Variants in SEPTIN4 observed in about 807,000 individuals in gnomAD.
SEPTIN4 encodes septin-4.
Under a neutral mutation model 107.1 loss-of-function variants are expected in SEPTIN4, and 52 were observed. The ratio of observed to expected loss-of-function variants is 0.49; its 90% CI spans 0.39 to 0.61. The LOEUF (loss-of-function observed/expected upper bound fraction) is 0.61. SEPTIN4 is among the 20% of genes least tolerant of loss of function. The probability of loss-of-function intolerance (pLI) is 0.00; values close to 1 mark genes in which losing one functional copy is unlikely to be tolerated. For synonymous variants in SEPTIN4, 417 were observed against 467.0 expected (o/e 0.89, Z 1.38); for missense variants, 1,048 against 1,243.5 (o/e 0.84, Z 2.36).
In SEPTIN4 at chr17:58,525,795, G is replaced by A. The variant is rs191633842; in HGVS notation, c.2006-14C>T. Reference sequence around the variant, plus strand: ...GGCCAGACTCTCCTGAGAGGAGAGAGGACAGAGGCACCAAATCAGAAGGTA... The same window carrying A: ...GGCCAGACTCTCCTGAGAGGAGAGAAGACAGAGGCACCAAATCAGAAGGTA... On this transcript the variant is annotated splice_polypyrimidine_tract_variant and intron_variant, in intron 5 of 13. Transcript: ENST00000672673. 3.4e-5 allele frequency: 54 copies of A among 1,605,964 alleles called. No individual in the cohort carries two copies. In the East Asian group the frequency reaches 1.2e-3, roughly 35 times the overall value.
chr17:58,543,170 T>G lies in SEPTIN4; in HGVS notation c.1017A>C (p.Pro339=). The change falls in exon 1 of 14, where the codon CCA becomes CCC. Residue 339 remains proline, a synonymous_variant. Coordinates refer to ENST00000672673, the MANE Select transcript of SEPTIN4 (RefSeq NM_001368771.2). ...GAGTTGGCTCTACTGACTGTACCCC[T>G]GGGGAGATGGTGACCCTGCGGCCAA... is the stretch of plus-strand genomic sequence containing the variant. ...SEVGRRVTIS[P]GVQSVEPTHH... is the part of the protein sequence containing the mutation. 1 of 1,613,964 alleles carries G rather than the reference T, an allele frequency of 6.2e-7. No individual in the cohort carries two copies. Among genetic ancestry groups the G allele is most frequent in the South Asian group, 1.1e-5 (1 of 91,064 alleles).
chr17:58,543,804 T>G lies in SEPTIN4; in HGVS notation c.383A>C (p.Glu128Ala). 1 of 1,614,220 alleles carries G rather than the reference T, an allele frequency of 6.2e-7. No homozygotes were observed. Among genetic ancestry groups the G allele is most frequent in the South Asian group, 1.1e-5 (1 of 91,084 alleles). Residue 128 changes from glutamate (E) to alanine (A), a missense_variant, in exon 1 of 14, where the codon GAG becomes GCG. By Grantham distance (107) the Glu-to-Ala change is moderately radical. Coordinates refer to ENST00000672673, the MANE Select transcript of SEPTIN4 (RefSeq NM_001368771.2). ...CTCACTGCCTCTTCGTGCTGCTTCC[T>G]CTCTGGGTGGACTAACTTTCCATTG... ...SRQWKVSPPR[E>A]EAARRGSESK... is the part of the protein sequence containing the mutation.
chr17:58,542,048 T>C, intron 1 of SEPTIN4, 82 bp from the exon 2 acceptor site: 12 of 1,495,018 alleles, frequency 8.0e-6, no homozygotes, highest in Non-Finnish European at 1.1e-5. Flanking sequence ...GCTCCCTTTC[T>C]AGCTCCACAT....
intron 13 of SEPTIN4, 28 bp downstream of exon 13, chr17:58,520,715 C>A: frequency 1.9e-6 from 3 of 1,611,880 alleles, no homozygotes; most frequent in African/African-American, 2.7e-5. Flanking sequence ...AAACAGGAGA[C>A]CTCCCCTATA....
chr17:58,539,540 C>T (rs1270773030), intron 3 of SEPTIN4, among the ~76,000 whole-genome samples: 3 of 152,200 alleles, frequency 2.0e-5, no homozygotes, highest in African/African-American at 7.2e-5. Context: ...CTTACTCAGC[C>T]TGTTCCATCT....
chr17:58,525,149 C>G lies in SEPTIN4; in HGVS notation c.2145G>C (p.Glu715Asp). ...TGGTGAGCCGCAGCCTCACACCCTTCTCTTCTATGTCCACTGCATGCTTAG... is the reference window on the plus strand; with the variant it reads ...TGGTGAGCCGCAGCCTCACACCCTTGTCTTCTATGTCCACTGCATGCTTAG... Reference protein sequence around the residue: ...EITKHAVDIEEKGVRLRLTIV... With the variant: ...EITKHAVDIEDKGVRLRLTIV... Residue 715 changes from glutamate (E) to aspartate (D), a missense_variant, in exon 7 of 14, where the codon GAG becomes GAC. Transcript: ENST00000672673. 6.2e-7 allele frequency: 1 copy of G among 1,614,256 alleles called. No homozygotes were observed. The highest frequency in any genetic ancestry group is 8.5e-7 in the Non-Finnish European group (1 of 1,180,048).
At chr17:58,531,946 GC>G in intron 3 of SEPTIN4, 1 of 1,147,868 alleles carries the variant, frequency 8.7e-7, no homozygotes, top group Non-Finnish European at 1.1e-6. Flanking sequence ...CCGCCCGCCT[GC>G]CTGCCTGCCT....
chr17:58,520,856 A>G lies in SEPTIN4; in HGVS notation c.2832-14T>C, dbSNP rs79030531. ...CGAGTCAGTTTGCTAAAGGGAGAAAAGGGTTGATAAGGCGAGGAGGACCCC... is the reference window on the plus strand; with the variant it reads ...CGAGTCAGTTTGCTAAAGGGAGAAAGGGGTTGATAAGGCGAGGAGGACCCC... On this transcript the variant is annotated splice_polypyrimidine_tract_variant and intron_variant, in intron 12 of 13. Coordinates refer to ENST00000672673, the MANE Select transcript of SEPTIN4 (RefSeq NM_001368771.2). The G allele has an allele frequency of 1.1e-5, 18 of 1,585,298 alleles. No homozygotes were observed. Among genetic ancestry groups the G allele is most frequent in the Non-Finnish European group, 1.5e-5 (18 of 1,166,098 alleles).
At position 58,543,100 on chromosome 17, in the gene SEPTIN4, A is replaced by G; in HGVS notation, c.1087T>C (p.Ser363Pro). 6.2e-7 allele frequency: 1 copy of G among 1,612,506 alleles called. No individual in the cohort carries two copies. Among genetic ancestry groups the G allele is most frequent in the Non-Finnish European group, 8.5e-7 (1 of 1,179,230 alleles). Reference sequence around the variant, plus strand: ...ATGGGCTCTGGAGTAACAAACATGGATGACTTGTGGGAGCCCTCAGACACT... The same window carrying G: ...ATGGGCTCTGGAGTAACAAACATGGGTGACTTGTGGGAGCCCTCAGACACT... ...PSVSEGSHKS[S>P]MFVTPEPIYK... is the part of the protein sequence containing the mutation. The change falls in exon 1 of 14, where the codon TCC (serine) becomes CCC (proline). Residue 363 changes from serine to proline, a missense_variant. Physicochemically the swap from Ser to Pro is moderately conservative, Grantham distance 74. This residue lies in a region of SEPTIN4 where 787 missense variants were observed against 871.8 expected (regional missense o/e 0.90). Coordinates refer to ENST00000672673, the MANE Select transcript of SEPTIN4 (RefSeq NM_001368771.2).
At position 58,525,178 on chromosome 17, in the gene SEPTIN4, T is replaced by A. The variant is rs1211378076; in HGVS notation, c.2116A>T (p.Ile706Phe). The A allele has an allele frequency of 6.2e-7, 1 of 1,613,994 alleles. No homozygotes were observed. The highest frequency in any genetic ancestry group is 1.3e-5 in the African/African-American group (1 of 74,914). The change falls in exon 7 of 14, where the codon ATC (isoleucine) becomes TTC (phenylalanine). Residue 706 changes from isoleucine to phenylalanine, a missense_variant. Physicochemically the swap from Ile to Phe is conservative, Grantham distance 21 (BLOSUM62 0). Around this residue, in one of 2 missense-constraint regions of SEPTIN4, gnomAD observed 787 missense variants for 871.8 expected, o/e 0.90. Transcript: ENST00000672673. ...AEERIMQTVEITKHAVDIEEK... is the reference protein window; with the variant it reads ...AEERIMQTVEFTKHAVDIEEK... Reference sequence around the variant, plus strand: ...TCTATGTCCACTGCATGCTTAGTGATCTCCACAGTTTGCATGATCCTCTCT... The same window carrying A: ...TCTATGTCCACTGCATGCTTAGTGAACTCCACAGTTTGCATGATCCTCTCT...
intron 3 of SEPTIN4, chr17:58,531,945 T>A: frequency 8.7e-7 from 1 of 1,144,282 alleles, no homozygotes; most frequent in Non-Finnish European, 1.1e-6. Context: ...CCCGCCCGCC[T>A]GCCTGCCTGC....
chr17:58,540,699 C>A, intron 2 of SEPTIN4, 26 bp from the exon 3 acceptor site: 1 of 1,340,104 alleles, frequency 7.5e-7, no homozygotes. Flanking sequence ...AGAAGCCAGG[C>A]ATTCCCAGGG....
intron 1 of SEPTIN4, 66 bp downstream of exon 1, chr17:58,542,560 T>C: frequency 4.6e-6 from 7 of 1,537,778 alleles, no homozygotes; most frequent in African/African-American, 1.4e-5. Flanking sequence ...TGGTCTTTCC[T>C]GCCCACCCCA....
chr17:58,522,593 C>T (rs2042382993), intron 7 of SEPTIN4, among the ~76,000 whole-genome samples: 2 of 144,070 alleles, frequency 1.4e-5, no homozygotes, highest in African/African-American at 5.2e-5. Flanking sequence ...ACCCAGGAGG[C>T]AGAGGTTGCA....
intron 3 of SEPTIN4, among the ~76,000 whole-genome samples, chr17:58,536,617 G>A (rs2043721305): frequency 6.6e-6 from 1 of 152,278 alleles, no homozygotes; most frequent in African/African-American, 2.4e-5. Flanking sequence ...GGCAGTGGGT[G>A]TGCCAAGGAA....
intron 1 of SEPTIN4, among the ~76,000 whole-genome samples, chr17:58,542,245 G>GT (rs1243208427): frequency 1.3e-5 from 2 of 152,082 alleles, no homozygotes; most frequent in Non-Finnish European, 2.9e-5. Flanking sequence ...TGTAGCCAGA[G>GT]TATTTACCTG....
chr17:58,526,233 G>A lies in SEPTIN4; in HGVS notation c.1992C>T (p.Thr664=), dbSNP rs1402894128. 1.1e-5 allele frequency: 18 copies of A among 1,599,694 alleles called. No homozygotes were observed. Among genetic ancestry groups the A allele is most frequent in the Non-Finnish European group, 1.5e-5 (18 of 1,173,234 alleles). Reference sequence around the variant, plus strand: ...CCCCTTTTTTACCTGCCACCATGAGGGTAAAGTCAAAGCCTTTCTTCACGG... The same window carrying A: ...CCCCTTTTTTACCTGCCACCATGAGAGTAAAGTCAAAGCCTTTCTTCACGG... ...RKSVKKGFDF[T]LMVAGESGLG... is the part of the protein sequence containing the mutation. The change falls in exon 5 of 14, where the codon ACC becomes ACT. Residue 664 remains threonine (T), a synonymous_variant. Transcript: ENST00000672673.
At position 58,526,813 on chromosome 17, in the gene SEPTIN4, G is replaced by C; in HGVS notation, c.1780C>G (p.Leu594Val). Residue 594 changes from leucine to valine, a missense_variant, in exon 4 of 14, where the codon CTG (leucine) becomes GTG (valine). Coordinates refer to ENST00000672673, the MANE Select transcript of SEPTIN4 (RefSeq NM_001368771.2). The stretch of plus-strand genomic sequence containing the variant: ...GGCCGCGAGGGGGGTCTGAACTCCA[G>C]GTCATCATCATAGAGGTCCGGGGCC... ...PQAPDLYDDD[L>V]EFRPPSRPQS... 3 of 1,613,834 alleles carry C rather than the reference G, an allele frequency of 1.9e-6. No individual in the cohort carries two copies. The South Asian group carries it at 3.3e-5, about 18-fold the overall frequency.
rs1185250587 is a variant in SEPTIN4, at chr17:58,520,508, A to C, written c.2932-23T>G. ...CAGCTGGAATAGGCACAGGCATCAA[A>C]ATGGGGACTTTTGGAGAGTCCTTTA... On this transcript the variant is annotated intron_variant, in intron 13 of 13. Transcript: ENST00000672673. 2.5e-6 allele frequency: 4 copies of C among 1,613,416 alleles called. No homozygotes were observed. The African/African-American group carries it at 4.0e-5, about 16-fold the overall frequency.
Sources: allele counts gnomAD v4.1 joint callset (sites outside exome capture counted in the v4.1 genomes callset), GRCh38; gene constraint gnomAD v4.1.1; regional missense constraint gnomAD v4.1.1; transcripts MANE v1.5; gene names NCBI Gene and HGNC (gene_info 2026-07-23, HGNC 2026-07-21).